PTPRC: variants seen among roughly 807,000 people sequenced by gnomAD.
PTPRC encodes protein tyrosine phosphatase receptor type C, also known as receptor-type tyrosine-protein phosphatase C.
A neutral mutation model predicts 155.9 loss-of-function variants in PTPRC; 44 were observed. That is an observed-to-expected ratio of 0.28 (90% CI 0.22 to 0.36). The LOEUF is 0.36. Among genes scored for constraint, PTPRC ranks in the 10% least tolerant of loss-of-function variants. The pLI, the probability that PTPRC is intolerant of heterozygous loss-of-function variation, is 1.00. For synonymous variants in PTPRC, 525 were observed against 533.1 expected, an observed-to-expected ratio of 0.98 and a Z score of 0.21; for missense variants, 1,401 against 1,564.6, an observed-to-expected ratio of 0.90 and a Z score of 1.76.
chr1:198,657,924 T>C (rs1402724438), intron 2 of PTPRC: 2 of 152,170 alleles, frequency 1.3e-5, no homozygotes, highest in Non-Finnish European at 2.9e-5. Context: ...CAGACAAAAA[T>C]AGTATAATTA....
chr1:198,639,020 A>C, upstream of PTPRC: 1 of 476,546 alleles, frequency 2.1e-6, no homozygotes, highest in South Asian at 2.7e-5. Flanking sequence ...ATTTTTGGAG[A>C]AGTTAGTAAA....
At chr1:198,671,854 T>G (rs1332455637) in intron 2 of PTPRC, among the ~76,000 whole-genome samples, 1 of 152,230 alleles carries the variant, frequency 6.6e-6, no homozygotes, top group Non-Finnish European at 1.5e-5. Flanking sequence ...GTCTGTATTC[T>G]TCATGTCTTA....
In PTPRC at chr1:198,639,559, A is replaced by AT. The variant is rs1662460475; in HGVS notation, c.73+222dup. On this transcript the variant is annotated intron_variant, in intron 2 of 32. Transcript: ENST00000442510. ...TAAATGTTTCGGGACAAAAAATACA[A>AT]TTTTAAAAGGAAAGCAATGTCTATC... 1.3e-5 allele frequency among the ~76,000 whole-genome samples: 2 copies of AT among 152,072 alleles called. 1 individual carries two copies. Among genetic ancestry groups the AT allele is most frequent in the Admixed American group, 1.3e-4 (2 of 15,244 alleles).
chr1:198,661,354 G>A (rs1479301849), intron 2 of PTPRC, among the ~76,000 whole-genome samples: 2 of 149,594 alleles, frequency 1.3e-5, no homozygotes, highest in East Asian at 1.9e-4. Context: ...AATATAAATA[G>A]CACATATTGT....
chr1:198,673,065 G>A (rs1420774946), intron 2 of PTPRC, among the ~76,000 whole-genome samples: 1 of 151,902 alleles, frequency 6.6e-6, no homozygotes, highest in East Asian at 1.9e-4. Flanking sequence ...TTTCTGAAAT[G>A]TACTAGAATC....
At chr1:198,691,825 G>A (rs564368218) in intron 2 of PTPRC, among the ~76,000 whole-genome samples, 180 of 152,090 alleles carry the variant, frequency 1.2e-3, no homozygotes, top group African/African-American at 4.1e-3. Context: ...ATCCTGTTAT[G>A]TTCTCCTTTA....
At position 198,652,721 on chromosome 1, in the gene PTPRC, T is replaced by C. The variant is rs548775994; in HGVS notation, c.73+13380T>C. 2.6e-5 allele frequency among the ~76,000 whole-genome samples: 4 copies of C among 151,444 alleles called. No individual in the cohort carries two copies. In the East Asian group the frequency reaches 7.8e-4, roughly 30 times the overall value. On this transcript the variant is annotated intron_variant, in intron 2 of 32. Transcript: ENST00000442510. ...CTTTAGAAGAGAGGGAACCCAGGAG[T>C]CCATCCAGAGGCTCAAGGAATAAGA...
chr1:198,711,698 A>G (rs2102424805), intron 11 of PTPRC, among the ~76,000 whole-genome samples: 1 of 152,322 alleles, frequency 6.6e-6, no homozygotes, highest in African/African-American at 2.4e-5. Context: ...AATAGTTTGT[A>G]AAAAATCAAA....
intron 20 of PTPRC, among the ~76,000 whole-genome samples, chr1:198,732,891 G>A (rs1571878992): frequency 6.6e-6 from 1 of 151,806 alleles, no homozygotes. Flanking sequence ...TGCCGTATAG[G>A]TGAGGACTGG....
chr1:198,709,175 C>A lies in PTPRC; in HGVS notation c.1034-512C>A, dbSNP rs1469496238. ...CATCCCTAATCTGAAAATCCAGAAT[C>A]CAAAATGTTCTCAGAATCCAGTACT... On this transcript the variant is annotated intron_variant, in intron 10 of 32. Transcript: ENST00000442510. Among the ~76,000 whole-genome samples the A allele has an allele frequency of 2.0e-5, 3 of 152,102 alleles. 1 individual carries two copies. Among genetic ancestry groups the A allele is most frequent in the African/African-American group, 7.2e-5 (3 of 41,418 alleles).
chr1:198,748,078 G>A, intron 26 of PTPRC, 31 bp from the exon 27 acceptor site: 1 of 1,570,010 alleles, frequency 6.4e-7, no homozygotes, highest in Non-Finnish European at 8.6e-7. Context: ...ACATTTTAAA[G>A]GAGTTTTTCT....
chr1:198,719,533 A>C (rs760074126), intron 14 of PTPRC, among the ~76,000 whole-genome samples: 1 of 152,014 alleles, frequency 6.6e-6, no homozygotes, highest in Non-Finnish European at 1.5e-5. Flanking sequence ...TTCCATAGTT[A>C]ATTTTTTAAT....
At chr1:198,726,043 A>G (rs1472133703) in intron 15 of PTPRC, among the ~76,000 whole-genome samples, 1 of 152,174 alleles carries the variant, frequency 6.6e-6, no homozygotes, top group African/African-American at 2.4e-5. Context: ...GCTTTATCTG[A>G]AGACTTGGCT....
At position 198,703,329 on chromosome 1, in the gene PTPRC, T is replaced by G. The variant is rs558386235; in HGVS notation, c.615T>G (p.Thr205=). ...ACCTTAATGCCTCTGAAACAACCACTCTGAGCCCTTCTGGAAGCGCTGTCA... is the reference window on the plus strand; with the variant it reads ...ACCTTAATGCCTCTGAAACAACCACGCTGAGCCCTTCTGGAAGCGCTGTCA... The part of the protein sequence containing the change: ...DAYLNASETT[T]LSPSGSAVIS... Residue 205 remains threonine (T), a synonymous_variant, in exon 7 of 33, where the codon ACT becomes ACG. Coordinates refer to ENST00000442510, the MANE Select transcript of PTPRC (RefSeq NM_002838.5). 1.9e-6 allele frequency: 3 copies of G among 1,613,326 alleles called. No homozygotes were observed. The highest frequency in any genetic ancestry group is 1.7e-5 in the Admixed American group (1 of 60,028).
intron 2 of PTPRC, among the ~76,000 whole-genome samples, chr1:198,689,799 CTTA>C (rs1029576782): frequency 1.3e-5 from 2 of 152,102 alleles, no homozygotes; most frequent in African/African-American, 4.8e-5. Flanking sequence ...TCTTCCTCAT[CTTA>C]TTATGTGATT....
intron 12 of PTPRC, among the ~76,000 whole-genome samples, chr1:198,714,305 T>G (rs1020186410): frequency 6.6e-6 from 1 of 152,162 alleles, no homozygotes; most frequent in Non-Finnish European, 1.5e-5. Context: ...TGGTAGACAT[T>G]TTATGCATTT....
At chr1:198,713,558 C>A (rs1653418334) in intron 12 of PTPRC, among the ~76,000 whole-genome samples, 1 of 150,994 alleles carries the variant, frequency 6.6e-6, no homozygotes, top group Non-Finnish European at 1.5e-5. Context: ...GAGCATAGTT[C>A]TAAGTTTAGA....
chr1:198,667,247 G>C (rs1006918104), intron 2 of PTPRC, among the ~76,000 whole-genome samples: 2 of 152,154 alleles, frequency 1.3e-5, no homozygotes, highest in African/African-American at 4.8e-5. Context: ...ACCATTCATT[G>C]CTGTCAGAGG....
intron 2 of PTPRC, among the ~76,000 whole-genome samples, chr1:198,666,343 A>T (rs1162473451): frequency 6.6e-6 from 1 of 152,032 alleles, no homozygotes; most frequent in African/African-American, 2.4e-5. Flanking sequence ...GTGTGGAATC[A>T]TGTGTTTTTT....
Sources: gnomAD v4.1 joint callset for allele counts (sites outside exome capture counted in the v4.1 genomes callset) on GRCh38, gnomAD v4.1.1 for gene constraint, MANE v1.5 for transcripts, NCBI Gene and HGNC (gene_info 2026-07-23, HGNC 2026-07-21) for gene names.